UBE3C: variants seen among roughly 807,000 people sequenced by gnomAD.
The protein encoded by UBE3C is ubiquitin protein ligase E3C, also known as ubiquitin-protein ligase E3C.
A neutral mutation model predicts 129.4 loss-of-function variants in UBE3C; 42 were observed. The ratio of observed to expected loss-of-function variants is 0.32; its 90% CI spans 0.25 to 0.42. UBE3C has a LOEUF of 0.42. Among genes scored for constraint, UBE3C ranks in the 10% least tolerant of loss-of-function variants. The probability of loss-of-function intolerance (pLI) is 1.00; values close to 1 mark genes in which losing one functional copy is unlikely to be tolerated. For missense variants in UBE3C, 1,049 were observed against 1,319.1 expected (o/e 0.80, Z 3.17); for synonymous variants, 510 against 492.4 (o/e 1.04, Z -0.47).
intron 1 of UBE3C, among the ~76,000 whole-genome samples, chr7:157,146,588 C>T (rs940847715): frequency 1.3e-5 from 2 of 152,208 alleles, no homozygotes; most frequent in African/African-American, 4.8e-5. Flanking sequence ...TCCCTTTTGT[C>T]AATACCATAC....
At chr7:157,186,153 G>A (rs1808799071) in intron 9 of UBE3C, among the ~76,000 whole-genome samples, 1 of 152,314 alleles carries the variant, frequency 6.6e-6, no homozygotes, top group East Asian at 1.9e-4. Flanking sequence ...GCTGGGAGCA[G>A]TGGCTCATAC....
intron 14 of UBE3C, among the ~76,000 whole-genome samples, chr7:157,219,674 T>C (rs181231486): frequency 1.3e-5 from 2 of 152,214 alleles, no homozygotes; most frequent in East Asian, 3.9e-4. Context: ...GACCGAAGTA[T>C]GTGGATCACC....
intron 18 of UBE3C, among the ~76,000 whole-genome samples, chr7:157,245,672 T>G (rs1796453459): frequency 6.6e-6 from 1 of 152,320 alleles, no homozygotes; most frequent in Admixed American, 6.5e-5. Flanking sequence ...GACATAATAC[T>G]TTGGTTTACC....
intron 21 of UBE3C, among the ~76,000 whole-genome samples, 187 bp downstream of exon 21, chr7:157,254,497 A>G (rs760834841): frequency 5.7e-4 from 86 of 151,458 alleles, no homozygotes; most frequent in Admixed American, 1.2e-3. Flanking sequence ...TCCCGGGTTC[A>G]AGCAATTCTC....
intron 14 of UBE3C, among the ~76,000 whole-genome samples, chr7:157,220,286 T>C (rs1362502347): frequency 3.3e-5 from 5 of 152,102 alleles, no homozygotes; most frequent in African/African-American, 4.8e-5. Flanking sequence ...TGAGAAAATA[T>C]ACTGTGTCTG....
chr7:157,191,631 T>C (rs991742495), intron 10 of UBE3C, among the ~76,000 whole-genome samples: 5 of 152,214 alleles, frequency 3.3e-5, no homozygotes, highest in African/African-American at 1.2e-4. Context: ...CTTTGCCATG[T>C]GTTTTCTAAG....
chr7:157,141,939 C>T (rs1807464843), intron 1 of UBE3C, among the ~76,000 whole-genome samples: 1 of 152,216 alleles, frequency 6.6e-6, no homozygotes, highest in African/African-American at 2.4e-5. Flanking sequence ...TACTCTTGTG[C>T]TGGGTCCTAG....
intron 10 of UBE3C, among the ~76,000 whole-genome samples, chr7:157,188,768 C>T (rs542669095): frequency 2.1e-5 from 3 of 145,578 alleles, no homozygotes; most frequent in Non-Finnish European, 4.5e-5. Flanking sequence ...AGTAGGCTTA[C>T]TCTAACTGTT....
At chr7:157,256,246 A>G (rs1182374) in intron 21 of UBE3C, among the ~76,000 whole-genome samples, 145,305 of 152,200 alleles carry the variant, frequency 0.95, 69,429 homozygotes, top group East Asian at 0.99. Context: ...GGGTTCAAGC[A>G]ATTCTCCCAC....
chr7:157,268,080 T>C lies in UBE3C; in HGVS notation c.*325T>C. 1 of 208,172 alleles carries C rather than the reference T, an allele frequency of 4.8e-6. No individual in the cohort carries two copies. Among genetic ancestry groups the C allele is most frequent in the Non-Finnish European group, 9.5e-6 (1 of 105,468 alleles). The allele number at this position is 208,172 out of a possible 1,614,324, so 12.9% of individuals were successfully genotyped here. ...ACCAAAGATGAAGCTTTGGCTTTGC[T>C]GGTGAGATCAGAGCCCTCCTGAGCA... On this transcript the variant is annotated 3_prime_UTR_variant, in exon 23 of 23. Transcript: ENST00000348165.
chr7:157,225,319 C>G, intron 16 of UBE3C, 88 bp from the exon 17 acceptor site: 1 of 1,455,406 alleles, frequency 6.9e-7, no homozygotes, highest in South Asian at 1.4e-5. Flanking sequence ...TATGAAGATA[C>G]AAAAGATAAG....
At chr7:157,175,605 T>A (rs1808496223) in intron 5 of UBE3C, among the ~76,000 whole-genome samples, 1 of 152,216 alleles carries the variant, frequency 6.6e-6, no homozygotes, top group South Asian at 2.1e-4. Context: ...TTTCAAATGA[T>A]CCTGAGCCTT....
At chr7:157,237,615 G>A (rs1406785349) in intron 18 of UBE3C, among the ~76,000 whole-genome samples, 1 of 152,102 alleles carries the variant, frequency 6.6e-6, no homozygotes, top group African/African-American at 2.4e-5. Context: ...GATCAGTATG[G>A]TATTGAGACC....
At chr7:157,240,616 T>G (rs1226140293) in intron 18 of UBE3C, among the ~76,000 whole-genome samples, 1 of 152,014 alleles carries the variant, frequency 6.6e-6, no homozygotes, top group Non-Finnish European at 1.5e-5. Context: ...AAAGGGTGAA[T>G]TGGTTGCAAG....
chr7:157,234,567 A>T (rs528548613), intron 18 of UBE3C, among the ~76,000 whole-genome samples: 1 of 152,222 alleles, frequency 6.6e-6, no homozygotes, highest in African/African-American at 2.4e-5. Flanking sequence ...TGGATATAGA[A>T]TAATTCCCCT....
At chr7:157,182,480 G>A (rs1563044583) in intron 8 of UBE3C, 152 bp downstream of exon 8, 1 of 725,142 alleles carries the variant, frequency 1.4e-6, no homozygotes, top group Non-Finnish European at 2.2e-6. Context: ...TGGGCAGTGT[G>A]TTCCTGGGGA....
chr7:157,253,802 A>G (rs1489816042), intron 19 of UBE3C, 152 bp from the exon 20 acceptor site: 16 of 708,650 alleles, frequency 2.3e-5, no homozygotes, highest in Non-Finnish European at 3.3e-5. Context: ...GCATCTGCAC[A>G]ATGCTGTGCA....
chr7:157,182,404 C>T, intron 8 of UBE3C, 76 bp downstream of exon 8: 2 of 1,443,376 alleles, frequency 1.4e-6, no homozygotes, highest in Non-Finnish European at 1.9e-6. Flanking sequence ...GAAGGCCATG[C>T]AGTGGCAGGT....
chr7:157,173,254 G>A (rs1182468583), intron 4 of UBE3C, among the ~76,000 whole-genome samples: 3 of 152,134 alleles, frequency 2.0e-5, no homozygotes, highest in Admixed American at 6.5e-5. Context: ...GCTTGCTGCT[G>A]TAGTCCAGCT....
Sources: allele counts gnomAD v4.1 joint callset (sites outside exome capture counted in the v4.1 genomes callset), GRCh38; gene constraint gnomAD v4.1.1; transcripts MANE v1.5; gene names NCBI Gene and HGNC (gene_info 2026-07-23, HGNC 2026-07-21).